The following CREBBP variants were observed in gnomAD, a reference collection of about 807,000 sequenced individuals.
The protein encoded by CREBBP is CREB binding lysine acetyltransferase, also known as CREB-binding protein.
A neutral mutation model predicts 265.0 loss-of-function variants in CREBBP; 19 were observed. The ratio of observed to expected loss-of-function variants is 0.07; its 90% CI spans 0.05 to 0.11. The LOEUF (loss-of-function observed/expected upper bound fraction) is 0.11, where lower values mean the gene tolerates loss of function less well. Among genes scored for constraint, CREBBP ranks in the 10% least tolerant of loss-of-function variants. The pLI is 1.00. For missense variants in CREBBP, 2,525 were observed against 3,219.0 expected (o/e 0.78, Z 5.22); for synonymous variants, 1,457 against 1,223.7 (o/e 1.19, Z -3.98).
rs530340770 is a variant in CREBBP at position 3,727,393 on chromosome 16, G to A, written c.*325C>T. The A allele has an allele frequency of 6.0e-4, 171 of 286,082 alleles. No homozygotes were observed. The highest frequency in any genetic ancestry group is 3.5e-3 in the African/African-American group (160 of 45,112). 17.7% of individuals were successfully genotyped at this position (286,082 alleles called of 1,614,324 possible). A position where few individuals can be genotyped will look rare whatever the true frequency, so the allele number is the denominator to read the frequency against. ...TGAATATAATGAACTTGTTTTTCCCGTTAAAAAAAGGCATGAGTCACCAGC... is the reference window on the plus strand; with the variant it reads ...TGAATATAATGAACTTGTTTTTCCCATTAAAAAAAGGCATGAGTCACCAGC... On this transcript the variant is annotated 3_prime_UTR_variant, in exon 31 of 31. Coordinates refer to ENST00000262367, the MANE Select transcript of CREBBP (RefSeq NM_004380.3).
intron 2 of CREBBP, among the ~76,000 whole-genome samples, chr16:3,833,864 A>T (rs1455112712): frequency 6.6e-6 from 1 of 152,216 alleles, no homozygotes; most frequent in Non-Finnish European, 1.5e-5. Flanking sequence ...ACTGGGAGAA[A>T]ATATGTGCAA....
At chr16:3,747,668 G>A (rs771383186) in intron 21 of CREBBP, among the ~76,000 whole-genome samples, 1 of 152,214 alleles carries the variant, frequency 6.6e-6, no homozygotes, top group Non-Finnish European at 1.5e-5. Context: ...AAGTTGAAAA[G>A]TAGATATAAA....
chr16:3,830,678 C>T (rs963826538), intron 2 of CREBBP, among the ~76,000 whole-genome samples: 5 of 152,008 alleles, frequency 3.3e-5, no homozygotes, highest in African/African-American at 1.2e-4. Flanking sequence ...TTTAATAATC[C>T]TCTCTTAGTA....
chr16:3,850,241 C>G (rs531078823), intron 2 of CREBBP, 56 bp downstream of exon 2: 5 of 1,589,136 alleles, frequency 3.1e-6, no homozygotes, highest in Non-Finnish European at 3.5e-6. Context: ...ACGCATTACT[C>G]GGAGGGAAAG....
chr16:3,738,708 C>T (rs201345546), intron 25 of CREBBP, 36 bp from the exon 26 acceptor site: 152 of 1,337,398 alleles, frequency 1.1e-4, no homozygotes, highest in Non-Finnish European at 1.5e-4. Flanking sequence ...CTCAGGGTAT[C>T]CCTCAAATCT....
intron 1 of CREBBP, 48 bp from the exon 2 acceptor site, chr16:3,851,057 G>A (rs2054823683): frequency 2.7e-6 from 4 of 1,504,296 alleles, no homozygotes; most frequent in Non-Finnish European, 3.7e-6. Context: ...AACCTTTACA[G>A]CTCTCCAACT....
At chr16:3,850,089 C>G (rs1329425275) in intron 2 of CREBBP, among the ~76,000 whole-genome samples, 2 of 152,136 alleles carry the variant, frequency 1.3e-5, no homozygotes, top group Non-Finnish European at 2.9e-5. Flanking sequence ...GCAAGCTGTC[C>G]TACTTCTTTA....
At chr16:3,793,706 A>G in intron 3 of CREBBP, 80 bp from the exon 4 acceptor site, 1 of 1,515,150 alleles carries the variant, frequency 6.6e-7, no homozygotes, top group Non-Finnish European at 8.9e-7. Context: ...CTCAAACAAA[A>G]GCAAAAGCTG....
chr16:3,802,892 C>A (rs566417059), intron 3 of CREBBP, among the ~76,000 whole-genome samples: 2 of 152,218 alleles, frequency 1.3e-5, no homozygotes, highest in African/African-American at 2.4e-5. Flanking sequence ...AATCAGAAAA[C>A]GATACCAAAG....
In CREBBP at chr16:3,830,049, A is replaced by G. The variant is rs529307886; in HGVS notation, c.799-19270T>C. ...ATTAAAAGACTAAGGTTATCAGAAT[A>G]AATTAAATAAGATCTAATGCTACGC... On this transcript the variant is annotated intron_variant, in intron 2 of 30. Transcript: ENST00000262367. 2.6e-5 allele frequency among the ~76,000 whole-genome samples: 4 copies of G among 152,340 alleles called. No individual in the cohort carries two copies. The South Asian group carries it at 8.3e-4, about 32-fold the overall frequency.
intron 6 of CREBBP, among the ~76,000 whole-genome samples, chr16:3,781,669 CA>C (rs2053276023): frequency 6.6e-6 from 1 of 152,168 alleles, no homozygotes; most frequent in Non-Finnish European, 1.5e-5. Flanking sequence ...CACTGACACA[CA>C]CCTCTGTGTC....
At chr16:3,777,549 A>T in intron 11 of CREBBP, 64 bp downstream of exon 11, 2 of 1,532,908 alleles carry the variant, frequency 1.3e-6, no homozygotes, top group Non-Finnish European at 1.8e-6. Context: ...AGAGGAAAAA[A>T]CAGTGAAAGT....
At position 3,777,365 on chromosome 16, in the gene CREBBP, G is replaced by GAAAT. The variant is rs145673583; in HGVS notation, c.2158+244_2158+247dup. ...AATAAAAATAAAATAAAATAAAATAGAAATAAATAAATAAATAAATAGCTA... is the reference window on the plus strand; with the variant it reads ...AATAAAAATAAAATAAAATAAAATAGAAATAAATAAATAAATAAATAAATAGCTA... On this transcript the variant is annotated intron_variant, in intron 11 of 30. Transcript: ENST00000262367. 0.04 allele frequency among the ~76,000 whole-genome samples: 6,016 copies of GAAAT among 151,670 alleles called. 297 individuals are homozygous for GAAAT. Among genetic ancestry groups the GAAAT allele is most frequent in the East Asian group, 0.2 (1,019 of 5,154 alleles).
At chr16:3,757,061 G>A (rs2151381221) in intron 19 of CREBBP, among the ~76,000 whole-genome samples, 1 of 152,172 alleles carries the variant, frequency 6.6e-6, no homozygotes, top group South Asian at 2.1e-4. Flanking sequence ...AAATAGAGAT[G>A]GGGGTTTCTC....
At chr16:3,861,510 A>G (rs577383125) in intron 1 of CREBBP, among the ~76,000 whole-genome samples, 35 of 152,310 alleles carry the variant, frequency 2.3e-4, no homozygotes, top group Admixed American at 5.2e-4. Flanking sequence ...GGCGCTCAAC[A>G]GCCGCCACTT....
chr16:3,868,023 A>T (rs1243614130), intron 1 of CREBBP, among the ~76,000 whole-genome samples: 1 of 152,232 alleles, frequency 6.6e-6, no homozygotes, highest in Non-Finnish European at 1.5e-5. Context: ...TCTGAAAGGC[A>T]CTGATAGTAG....
chr16:3,738,712 C>T (rs1480719850), intron 25 of CREBBP, 40 bp from the exon 26 acceptor site: 1 of 1,304,602 alleles, frequency 7.7e-7, no homozygotes, highest in South Asian at 1.2e-5. Context: ...GGGTATCCCT[C>T]AAATCTGAAA....
At chr16:3,827,150 GATCT>G (rs1462643640) in intron 2 of CREBBP, among the ~76,000 whole-genome samples, 9 of 148,738 alleles carry the variant, frequency 6.1e-5, no homozygotes, top group Admixed American at 3.4e-4. Flanking sequence ...ATAATAGCAA[GATCT>G]ATCTCTCTAA....
intron 28 of CREBBP, among the ~76,000 whole-genome samples, chr16:3,734,122 T>C (rs1395213624): frequency 6.6e-6 from 1 of 152,186 alleles, no homozygotes; most frequent in African/African-American, 2.4e-5. Context: ...AAGCTGGGAC[T>C]GCACACAGGG....
Sources: allele counts gnomAD v4.1 joint callset (sites outside exome capture counted in the v4.1 genomes callset), GRCh38; gene constraint gnomAD v4.1.1; transcripts MANE v1.5; gene names NCBI Gene and HGNC (gene_info 2026-07-23, HGNC 2026-07-21).